Variants in IKZF3 observed in about 807,000 individuals in gnomAD.
IKZF3 encodes the protein IKAROS family zinc finger 3.
In IKZF3, 10 loss-of-function variants were observed where a neutral mutation model predicts 49.0. That is an observed-to-expected ratio of 0.20 (90% CI 0.13 to 0.35). The LOEUF is 0.35. Among genes scored for constraint, IKZF3 ranks in the 10% least tolerant of loss-of-function variants. IKZF3 has a pLI of 1.00. For missense variants in IKZF3, 498 were observed against 664.8 expected, an observed-to-expected ratio of 0.75 and a Z score of 2.76; for synonymous variants, 209 against 228.2, an observed-to-expected ratio of 0.92 and a Z score of 0.76.
intron 5 of IKZF3, among the ~76,000 whole-genome samples, chr17:39,789,669 A>T (rs1006207353): frequency 1.3e-5 from 2 of 152,004 alleles, no homozygotes; most frequent in Non-Finnish European, 2.9e-5. Flanking sequence ...TAGAGGTTGC[A>T]GTGAGCTGAG....
At chr17:39,838,331 G>C (rs1368371955) in intron 1 of IKZF3, among the ~76,000 whole-genome samples, 1 of 152,030 alleles carries the variant, frequency 6.6e-6, no homozygotes, top group Non-Finnish European at 1.5e-5. Context: ...CTGATATTCA[G>C]AAGGAATAAT....
At chr17:39,792,387 A>C (rs925131464) in intron 4 of IKZF3, among the ~76,000 whole-genome samples, 1 of 152,260 alleles carries the variant, frequency 6.6e-6, no homozygotes, top group Non-Finnish European at 1.5e-5. Context: ...AGCAAATCAC[A>C]CAATTCAACT....
chr17:39,794,021 C>A (rs1433454288), intron 3 of IKZF3, among the ~76,000 whole-genome samples: 1 of 152,092 alleles, frequency 6.6e-6, no homozygotes, highest in Non-Finnish European at 1.5e-5. Context: ...AACCATTGGT[C>A]CTTAGAAATC....
chr17:39,778,272 T>C, intron 6 of IKZF3: 1 of 768,352 alleles, frequency 1.3e-6, no homozygotes, highest in Non-Finnish European at 1.6e-6. Flanking sequence ...GTGATTTGTG[T>C]ATTGAAATTC....
At chr17:39,819,286 C>G (rs1013597051) in intron 3 of IKZF3, among the ~76,000 whole-genome samples, 6 of 151,992 alleles carry the variant, frequency 3.9e-5, no homozygotes, top group Non-Finnish European at 7.4e-5. Flanking sequence ...ATTCCCAAAC[C>G]AACAGTGGCA....
At position 39,822,644 on chromosome 17, in the gene IKZF3, G is replaced by A. The variant is rs144349519; in HGVS notation, c.163+6743C>T. 2.9e-3 allele frequency among the ~76,000 whole-genome samples: 437 copies of A among 149,022 alleles called. 1 individual carries two copies. Among genetic ancestry groups the A allele is most frequent in the African/African-American group, 8.7e-3 (351 of 40,308 alleles). ...GTTGCCCAGCCTGGAGTGCAGTGGC[G>A]CGATCTTGGCTCACTGCAAGCTCCG... is the stretch of plus-strand genomic sequence containing the variant. On this transcript the variant is annotated intron_variant, in intron 3 of 7. Coordinates refer to ENST00000346872, the MANE Select transcript of IKZF3 (RefSeq NM_012481.5).
At chr17:39,822,452 C>A (rs1381963341) in intron 3 of IKZF3, among the ~76,000 whole-genome samples, 1 of 152,184 alleles carries the variant, frequency 6.6e-6, no homozygotes, top group Non-Finnish European at 1.5e-5. Context: ...ACTCTCTCTT[C>A]TGCCACCCTG....
At chr17:39,778,846 A>G (rs2060656373) in intron 6 of IKZF3, among the ~76,000 whole-genome samples, 1 of 152,188 alleles carries the variant, frequency 6.6e-6, no homozygotes, top group African/African-American at 2.4e-5. Flanking sequence ...CTGCCTATGA[A>G]TGTGGGCCCA....
chr17:39,836,590 A>C (rs2062290965), intron 1 of IKZF3, among the ~76,000 whole-genome samples: 1 of 152,224 alleles, frequency 6.6e-6, no homozygotes, highest in South Asian at 2.1e-4. Context: ...ATTTTTGACT[A>C]GTTGTTTAGT....
At chr17:39,788,202 G>GT (rs1222639336) in intron 6 of IKZF3, 56 bp downstream of exon 6, 1 of 1,030,892 alleles carries the variant, frequency 9.7e-7, no homozygotes, top group African/African-American at 1.6e-5. Flanking sequence ...ACTTACTATT[G>GT]TATCTCACCA....
chr17:39,853,834 A>G (rs1362129991), intron 1 of IKZF3, among the ~76,000 whole-genome samples: 1 of 130,002 alleles, frequency 7.7e-6, no homozygotes, highest in East Asian at 2.1e-4. Flanking sequence ...AACTCCGTCT[A>G]AAAAAAAAAA....
intron 6 of IKZF3, chr17:39,778,187 G>A (rs2060639323): frequency 4.1e-6 from 4 of 987,170 alleles, no homozygotes; most frequent in Non-Finnish European, 4.8e-6. Context: ...TGGTGCCCCA[G>A]ATTTACTGCT....
intron 3 of IKZF3, among the ~76,000 whole-genome samples, chr17:39,803,016 A>G (rs924344576): frequency 1.3e-5 from 2 of 152,190 alleles, no homozygotes. Flanking sequence ...ATTTTGCTTA[A>G]TAATTTCAGT....
chr17:39,777,844 G>A lies in IKZF3; in HGVS notation c.710-77C>T, dbSNP rs1567968674. 5 of 1,563,972 alleles carry A rather than the reference G, an allele frequency of 3.2e-6. No homozygotes were observed. In the East Asian group the frequency reaches 9.0e-5, roughly 28 times the overall value. The stretch of plus-strand genomic sequence containing the variant: ...GGGAGAAAAGGAAATAAACTGGAAG[G>A]AGAAGTGTCCGAAGTTGGATGCACA... On this transcript the variant is annotated intron_variant, in intron 6 of 7. Transcript: ENST00000346872.
At chr17:39,805,262 C>T (rs1387922885) in intron 3 of IKZF3, among the ~76,000 whole-genome samples, 1 of 152,210 alleles carries the variant, frequency 6.6e-6, no homozygotes. Context: ...GCGTGAACAA[C>T]TATACTATTA....
intron 3 of IKZF3, among the ~76,000 whole-genome samples, chr17:39,828,552 C>T (rs557026132): frequency 5.3e-5 from 8 of 152,252 alleles, no homozygotes; most frequent in Admixed American, 1.3e-4. Flanking sequence ...GGGGAGTCCC[C>T]GATTTTGTAG....
intron 5 of IKZF3, among the ~76,000 whole-genome samples, chr17:39,789,644 C>T (rs776835722): frequency 2.0e-5 from 3 of 152,006 alleles, no homozygotes; most frequent in Admixed American, 6.6e-5. Context: ...AGGAGAATCG[C>T]TTGAACCTGG....
At chr17:39,791,887 C>CTTTTTTTTTTT (rs1211244204) in intron 4 of IKZF3, among the ~76,000 whole-genome samples, 1 of 126,836 alleles carries the variant, frequency 7.9e-6, no homozygotes, top group Non-Finnish European at 1.7e-5. Context: ...TTGGTACTCC[C>CTTTTTTTTTTT]TTTTTTTTTT....
chr17:39,806,027 ACTT>A (rs571716673), intron 3 of IKZF3, among the ~76,000 whole-genome samples: 506 of 152,284 alleles, frequency 3.3e-3, no homozygotes, highest in Non-Finnish European at 5.9e-3. Context: ...GAGTTGAATG[ACTT>A]CTTTTTTTTT....
Sources: gnomAD v4.1 joint callset for allele counts (sites outside exome capture counted in the v4.1 genomes callset) on GRCh38, gnomAD v4.1.1 for gene constraint, MANE v1.5 for transcripts, NCBI Gene and HGNC (gene_info 2026-07-23, HGNC 2026-07-21) for gene names.